The following SGCZ variants were observed in gnomAD, a reference collection of about 807,000 sequenced individuals.
SGCZ encodes the protein sarcoglycan zeta.
SGCZ carries 40 observed loss-of-function variants against 41.3 expected under a neutral mutation model. That is an observed-to-expected ratio of 0.97 (90% CI 0.75 to 1.26). SGCZ has a LOEUF of 1.26. SGCZ is among the 50% of genes most tolerant of loss of function. SGCZ has a pLI of 0.00. For synonymous variants in SGCZ, 206 were observed against 137.5 expected, an observed-to-expected ratio of 1.50 and a Z score of -3.49; for missense variants, 552 against 369.8, an observed-to-expected ratio of 1.49 and a Z score of -4.04.
intron 4 of SGCZ, among the ~76,000 whole-genome samples, chr8:14,233,623 C>A (rs1408788813): frequency 3.5e-5 from 5 of 142,274 alleles, no homozygotes; most frequent in Admixed American, 2.8e-4. Flanking sequence ...CTATATATAT[C>A]TTTCCTGAGA....
At chr8:14,874,618 T>C (rs1031628352) in intron 1 of SGCZ, among the ~76,000 whole-genome samples, 1 of 152,160 alleles carries the variant, frequency 6.6e-6, no homozygotes, top group Admixed American at 6.6e-5. Flanking sequence ...ATTCAACTTC[T>C]ACATTGCCTT....
chr8:14,671,814 A>C (rs1808112105), intron 1 of SGCZ, among the ~76,000 whole-genome samples: 1 of 152,190 alleles, frequency 6.6e-6, no homozygotes. Flanking sequence ...TTAATTCCGT[A>C]TTGAATATAT....
intron 1 of SGCZ, among the ~76,000 whole-genome samples, chr8:15,111,985 G>T (rs947060410): frequency 6.6e-6 from 1 of 150,712 alleles, no homozygotes; most frequent in African/African-American, 2.4e-5. Context: ...TCAATTCTTT[G>T]TAAAACACGC....
At chr8:14,702,835 AG>A (rs1563213024) in intron 1 of SGCZ, among the ~76,000 whole-genome samples, 2 of 61,806 alleles carry the variant, frequency 3.2e-5, no homozygotes, top group African/African-American at 7.8e-5. Context: ...ATAGATAGAT[AG>A]ATAGATAGAT....
intron 2 of SGCZ, among the ~76,000 whole-genome samples, chr8:14,431,596 A>T (rs1336593103): frequency 6.6e-6 from 1 of 152,212 alleles, no homozygotes; most frequent in Admixed American, 6.5e-5. Context: ...TCTAAAAGAC[A>T]TCAGAGAAAC....
chr8:14,535,502 C>T (rs908197615), intron 2 of SGCZ, among the ~76,000 whole-genome samples: 2 of 151,908 alleles, frequency 1.3e-5, no homozygotes, highest in Non-Finnish European at 2.9e-5. Context: ...ATTTGCCCCA[C>T]ACAAGCTGTA....
intron 1 of SGCZ, among the ~76,000 whole-genome samples, chr8:14,881,226 C>A (rs991111986): frequency 1.3e-5 from 2 of 151,994 alleles, no homozygotes; most frequent in Admixed American, 1.3e-4. Context: ...GTTTTAGAGG[C>A]CTTCAGATTA....
intron 1 of SGCZ, among the ~76,000 whole-genome samples, chr8:15,035,362 A>C (rs1803836660): frequency 6.6e-6 from 1 of 152,128 alleles, no homozygotes; most frequent in South Asian, 2.1e-4. Flanking sequence ...AAAATATAAA[A>C]AGTAAAGTAT....
chr8:14,594,725 G>A (rs1169428608), intron 1 of SGCZ, among the ~76,000 whole-genome samples: 1 of 151,746 alleles, frequency 6.6e-6, no homozygotes, highest in Non-Finnish European at 1.5e-5. Context: ...GTGCGTTGGG[G>A]GTGTCTTGCA....
chr8:15,096,146 C>T (rs1426059026), intron 1 of SGCZ, among the ~76,000 whole-genome samples: 2 of 152,018 alleles, frequency 1.3e-5, no homozygotes, highest in African/African-American at 2.4e-5. Context: ...GATGCAATCT[C>T]GGCTCACTGC....
intron 1 of SGCZ, among the ~76,000 whole-genome samples, chr8:15,092,924 T>C (rs1806204958): frequency 6.6e-6 from 1 of 152,164 alleles, no homozygotes; most frequent in African/African-American, 2.4e-5. Flanking sequence ...GGCATCCAAA[T>C]AACTCTTGGA....
At chr8:14,598,480 T>A (rs926766747) in intron 1 of SGCZ, among the ~76,000 whole-genome samples, 1 of 104,342 alleles carries the variant, frequency 9.6e-6, no homozygotes. Flanking sequence ...GGTTTTATCA[T>A]CTCTCTCTCT....
At chr8:14,567,638 A>T (rs1201169545) in intron 1 of SGCZ, among the ~76,000 whole-genome samples, 3 of 152,124 alleles carry the variant, frequency 2.0e-5, no homozygotes, top group African/African-American at 7.2e-5. Context: ...GTCCCCTTCC[A>T]CAGTGTGGAG....
chr8:14,923,714 G>A (rs1036021156), intron 1 of SGCZ, among the ~76,000 whole-genome samples: 14 of 152,118 alleles, frequency 9.2e-5, no homozygotes, highest in African/African-American at 3.4e-4. Context: ...TTAGTCAAAA[G>A]CTCATTCTTT....
chr8:14,952,202 A>G (rs1219724113), intron 1 of SGCZ, among the ~76,000 whole-genome samples: 2 of 152,146 alleles, frequency 1.3e-5, no homozygotes, highest in Non-Finnish European at 2.9e-5. Context: ...CTGAATTATC[A>G]TTACTGTTTT....
chr8:14,557,859 C>G (rs1206301136), intron 1 of SGCZ, among the ~76,000 whole-genome samples: 1 of 151,924 alleles, frequency 6.6e-6, no homozygotes, highest in Non-Finnish European at 1.5e-5. Context: ...AAAAATACAA[C>G]AGATAAATGA....
chr8:14,136,706 T>G (rs1304314891), intron 5 of SGCZ, among the ~76,000 whole-genome samples: 2 of 152,090 alleles, frequency 1.3e-5, no homozygotes, highest in African/African-American at 4.8e-5. Flanking sequence ...CTCCATAGAC[T>G]CCACCTCTGG....
intron 1 of SGCZ, among the ~76,000 whole-genome samples, chr8:14,561,133 A>G (rs900831034): frequency 2.6e-5 from 4 of 152,144 alleles, no homozygotes; most frequent in African/African-American, 7.2e-5. Flanking sequence ...CAGAAGAATA[A>G]AAACATATAA....
At chr8:15,174,241 G>C (rs889809060) in intron 1 of SGCZ, among the ~76,000 whole-genome samples, 1 of 152,178 alleles carries the variant, frequency 6.6e-6, no homozygotes, top group African/African-American at 2.4e-5. Context: ...ACATCATGTA[G>C]GGTAGGTGAT....
Sources: gnomAD v4.1 joint callset for allele counts (sites outside exome capture counted in the v4.1 genomes callset) on GRCh38, gnomAD v4.1.1 for gene constraint, MANE v1.5 for transcripts, NCBI Gene and HGNC (gene_info 2026-07-23, HGNC 2026-07-21) for gene names.